Variants in NUMB observed in about 807,000 individuals in gnomAD.
The protein encoded by NUMB is NUMB endocytic adaptor protein.
A neutral mutation model predicts 59.7 loss-of-function variants in NUMB; 29 were observed. That is an observed-to-expected ratio of 0.49 (90% CI 0.36 to 0.66). The LOEUF is 0.66. Ranked by LOEUF, NUMB falls within the 30% of genes least tolerant of loss-of-function variation. NUMB has a pLI of 0.00. For synonymous variants in NUMB, 288 were observed against 288.2 expected, an observed-to-expected ratio of 1.00 and a Z score of 0.01; for missense variants, 723 against 822.0, an observed-to-expected ratio of 0.88 and a Z score of 1.47.
intron 6 of NUMB, among the ~76,000 whole-genome samples, chr14:73,306,207 G>A (rs563348911): frequency 6.6e-6 from 1 of 152,118 alleles, no homozygotes; most frequent in Non-Finnish European, 1.5e-5. Context: ...GGCACTTAAA[G>A]GCTTTTAGGA....
intron 7 of NUMB, 97 bp from the exon 8 acceptor site, chr14:73,292,971 T>C: frequency 8.2e-7 from 1 of 1,220,738 alleles, no homozygotes. Flanking sequence ...AATCCATACA[T>C]CTGATACAAC....
intron 1 of NUMB, among the ~76,000 whole-genome samples, chr14:73,423,684 C>G (rs906083015): frequency 6.6e-6 from 1 of 151,770 alleles, no homozygotes; most frequent in African/African-American, 2.4e-5. Context: ...GTGGCACACG[C>G]CTGTAATCCA....
chr14:73,452,067 A>C (rs928371576), intron 1 of NUMB, among the ~76,000 whole-genome samples: 5 of 151,254 alleles, frequency 3.3e-5, no homozygotes, highest in Non-Finnish European at 5.9e-5. Context: ...CTACCCCCCA[A>C]AAAAAAAACT....
intron 1 of NUMB, among the ~76,000 whole-genome samples, chr14:73,441,299 C>T (rs1344851589): frequency 1.3e-5 from 2 of 152,088 alleles, no homozygotes; most frequent in Non-Finnish European, 2.9e-5. Flanking sequence ...ACTGTAATCC[C>T]AGTACTTTGG....
At chr14:73,455,782 T>C (rs138457824) in intron 1 of NUMB, among the ~76,000 whole-genome samples, 136 of 152,362 alleles carry the variant, frequency 8.9e-4, no homozygotes, top group African/African-American at 3.1e-3. Context: ...TTTCTATACA[T>C]GAAATTTTCT....
At chr14:73,328,060 A>C (rs1051235632) in intron 4 of NUMB, among the ~76,000 whole-genome samples, 1 of 152,172 alleles carries the variant, frequency 6.6e-6, no homozygotes, top group African/African-American at 2.4e-5. Context: ...GGATCACTTG[A>C]GGTCAGGAGT....
At chr14:73,297,151 G>C (rs978760545) in intron 7 of NUMB, 60 bp downstream of exon 7, 2 of 1,146,484 alleles carry the variant, frequency 1.7e-6, no homozygotes, top group Non-Finnish European at 2.6e-6. Flanking sequence ...TGGGTGACAA[G>C]AGTGAAACTC....
At chr14:73,428,007 C>T (rs762476465) in intron 1 of NUMB, among the ~76,000 whole-genome samples, 2 of 152,062 alleles carry the variant, frequency 1.3e-5, no homozygotes, top group Non-Finnish European at 2.9e-5. Context: ...GTTGAGTGGG[C>T]CTAAGCAAAC....
chr14:73,447,198 AC>A (rs1883583660), intron 1 of NUMB, among the ~76,000 whole-genome samples: 1 of 126,292 alleles, frequency 7.9e-6, no homozygotes, highest in African/African-American at 3.1e-5. Context: ...AAAAAAAAAA[AC>A]CAGCATAGGC....
chr14:73,408,026 G>A (rs530683228), intron 2 of NUMB, among the ~76,000 whole-genome samples: 1 of 152,128 alleles, frequency 6.6e-6, no homozygotes, highest in Non-Finnish European at 1.5e-5. Flanking sequence ...AGGAGATTGA[G>A]ACCATCCTGA....
intron 1 of NUMB, among the ~76,000 whole-genome samples, chr14:73,446,045 C>T (rs574360834): frequency 6.7e-6 from 1 of 148,920 alleles, no homozygotes; most frequent in Non-Finnish European, 1.5e-5. Context: ...CGCCCAGGCT[C>T]GAGTCCAGTG....
At chr14:73,442,928 T>TCTCAGCTCACTGCAAC (rs1375692336) in intron 1 of NUMB, among the ~76,000 whole-genome samples, 6 of 152,260 alleles carry the variant, frequency 3.9e-5, no homozygotes, top group Admixed American at 3.3e-4. Flanking sequence ...AGTGGTGCAA[T>TCTCAGCTCACTGCAAC]CTCAGCTCAC....
intron 10 of NUMB, among the ~76,000 whole-genome samples, chr14:73,283,272 T>A (rs1443201840): frequency 2.0e-5 from 3 of 152,224 alleles, no homozygotes; most frequent in African/African-American, 7.2e-5. Flanking sequence ...TCCGTAATCA[T>A]CTAGTCCAAC....
chr14:73,395,037 TTGTGTGTG>T (rs3028731), intron 2 of NUMB, among the ~76,000 whole-genome samples: 4,620 of 119,846 alleles, frequency 0.039, 86 homozygotes, highest in Middle Eastern at 0.067. Context: ...ATTCGTGTGT[TTGTGTGTG>T]TGTGTGTGTG....
chr14:73,389,098 TAAA>T (rs71112747), intron 2 of NUMB, among the ~76,000 whole-genome samples: 69 of 95,746 alleles, frequency 7.2e-4, no homozygotes, highest in African/African-American at 2.4e-3. Context: ...GACTCTGCCT[TAAA>T]AAAAAAAAAA....
At chr14:73,282,246 A>T in intron 11 of NUMB, 113 bp downstream of exon 11, 1 of 902,444 alleles carries the variant, frequency 1.1e-6, no homozygotes, top group Non-Finnish European at 1.6e-6. Flanking sequence ...TAGAGAAATT[A>T]ATGGGTCTGA....
chr14:73,295,304 G>A (rs1490602007), intron 7 of NUMB, among the ~76,000 whole-genome samples: 3 of 152,142 alleles, frequency 2.0e-5, no homozygotes, highest in Non-Finnish European at 4.4e-5. Flanking sequence ...GGTCCCAATG[G>A]TGACAAGCCA....
At chr14:73,383,973 T>C (rs1274133617) in intron 2 of NUMB, among the ~76,000 whole-genome samples, 1 of 151,792 alleles carries the variant, frequency 6.6e-6, no homozygotes, top group Non-Finnish European at 1.5e-5. Flanking sequence ...GCCAAGATCA[T>C]GCCACTGCAC....
chr14:73,411,919 CTTTTTTTTTTT>C (rs935625343), intron 1 of NUMB, among the ~76,000 whole-genome samples: 3 of 106,818 alleles, frequency 2.8e-5, no homozygotes, highest in South Asian at 3.1e-4. Context: ...CAGCAATTAA[CTTTTTTTTTTT>C]TTTTTTTTTT....
Sources: gnomAD v4.1 joint callset for allele counts (sites outside exome capture counted in the v4.1 genomes callset) on GRCh38, gnomAD v4.1.1 for gene constraint, MANE v1.5 for transcripts, NCBI Gene and HGNC (gene_info 2026-07-23, HGNC 2026-07-21) for gene names.